The following CACNA1B variants were observed in gnomAD, a reference collection of about 807,000 sequenced individuals.
CACNA1B encodes the protein voltage-dependent N-type calcium channel subunit alpha-1B.
Under a neutral mutation model 247.2 loss-of-function variants are expected in CACNA1B, and 70 were observed. The ratio of observed to expected loss-of-function variants is 0.28; its 90% CI spans 0.23 to 0.35. The LOEUF (loss-of-function observed/expected upper bound fraction) is 0.35, where lower values mean the gene tolerates loss of function less well. Ranked by LOEUF, CACNA1B falls within the 10% of genes least tolerant of loss-of-function variation. CACNA1B has a pLI of 1.00. For synonymous variants in CACNA1B, 1,231 were observed against 1,294.4 expected, an observed-to-expected ratio of 0.95 and a Z score of 1.05; for missense variants, 2,367 against 3,197.4, an observed-to-expected ratio of 0.74 and a Z score of 6.26.
chr9:137,980,028 T>A (rs976874240), intron 12 of CACNA1B, among the ~76,000 whole-genome samples: 2 of 152,240 alleles, frequency 1.3e-5, no homozygotes, highest in Non-Finnish European at 2.9e-5. Context: ...GGTTCTGCCC[T>A]CTCACTCCCT....
chr9:137,990,780 C>T lies in CACNA1B; in HGVS notation c.1974+3926C>T, dbSNP rs1280624481. On this transcript the variant is annotated intron_variant, in intron 15 of 46. Coordinates refer to ENST00000371372, the MANE Select transcript of CACNA1B (RefSeq NM_000718.4). The surrounding 1 kb of genome is among the most constrained non-coding windows in gnomAD (Gnocchi z 4.5). ...TGAAGATGGATCACATCACAGGACT[C>T]TTGACAGACACTCCCCAGTACCAGC... is the stretch of plus-strand genomic sequence containing the variant. Among the ~76,000 whole-genome samples, 1 of 152,218 alleles carries T rather than the reference C, an allele frequency of 6.6e-6. No individual in the cohort carries two copies. The highest frequency in any genetic ancestry group is 1.9e-4 in the East Asian group (1 of 5,190).
intron 16 of CACNA1B, among the ~76,000 whole-genome samples, chr9:138,008,209 G>A (rs1042390874): frequency 2.0e-5 from 3 of 152,190 alleles, no homozygotes; most frequent in African/African-American, 7.2e-5. Flanking sequence ...AGAGAGGGAC[G>A]GAAGCCTCAG....
rs1222439728 is a variant in CACNA1B at position 137,957,782 on chromosome 9, C to T, written c.1333+95C>T. 2 of 830,268 alleles carry T rather than the reference C, an allele frequency of 2.4e-6. No individual in the cohort carries two copies. Among genetic ancestry groups the T allele is most frequent in the East Asian group, 3.0e-5 (1 of 33,876 alleles). The allele number at this position is 830,268 out of a possible 1,614,324, so 51.4% of individuals were successfully genotyped here. A position where few individuals can be genotyped will look rare whatever the true frequency, so the allele number is the denominator to read the frequency against. ...CTGCTACCCAGCCACTGTTGGACGCCCCTTCTTGCCCAAACGCCTGCAGGC... is the reference window on the plus strand; with the variant it reads ...CTGCTACCCAGCCACTGTTGGACGCTCCTTCTTGCCCAAACGCCTGCAGGC... On this transcript the variant is annotated intron_variant, in intron 10 of 46. Transcript: ENST00000371372. The surrounding 1 kb of genome is among the most constrained non-coding windows in gnomAD (Gnocchi z 4.7).
At chr9:138,029,497 CACTT>C (rs1443884079) in intron 20 of CACNA1B, among the ~76,000 whole-genome samples, 3 of 152,150 alleles carry the variant, frequency 2.0e-5, no homozygotes, top group Middle Eastern at 3.4e-3. Context: ...TAGGTTTTCC[CACTT>C]ACTTACATAG....
At chr9:138,036,701 T>C (rs1959051443) in intron 20 of CACNA1B, among the ~76,000 whole-genome samples, 1 of 152,204 alleles carries the variant, frequency 6.6e-6, no homozygotes, top group Admixed American at 6.5e-5. Context: ...ATCAATTTTA[T>C]TGTGGAAAAT....
At chr9:137,895,811 G>A (rs1957165457) in intron 3 of CACNA1B, among the ~76,000 whole-genome samples, 1 of 152,152 alleles carries the variant, frequency 6.6e-6, no homozygotes, top group Non-Finnish European at 1.5e-5. Context: ...CTTAAAACCT[G>A]AATGCCTTTT....
intron 11 of CACNA1B, among the ~76,000 whole-genome samples, chr9:137,972,359 C>T (rs1189885792): frequency 6.6e-6 from 1 of 152,194 alleles, no homozygotes. Context: ...ACTCACCCTG[C>T]TGGGTGTCTA....
chr9:137,880,074 C>T lies in CACNA1B; in HGVS notation c.390+915C>T, dbSNP rs1318219721. On this transcript the variant is annotated intron_variant, in intron 2 of 46. Coordinates refer to ENST00000371372, the MANE Select transcript of CACNA1B (RefSeq NM_000718.4). The surrounding 1 kb of genome is among the most constrained non-coding windows in gnomAD (Gnocchi z 4.8). The stretch of plus-strand genomic sequence containing the variant: ...CTGCTCCCTCTTCCCTTAAGCCTGG[C>T]TTCCGCCCCCACTAGCATCCTGAGA... Among the ~76,000 whole-genome samples the T allele has an allele frequency of 6.6e-6, 1 of 152,214 alleles. No homozygotes were observed. Among genetic ancestry groups the T allele is most frequent in the Admixed American group, 6.5e-5 (1 of 15,288 alleles).
intron 23 of CACNA1B, among the ~76,000 whole-genome samples, chr9:138,048,523 C>T (rs887849884): frequency 9.9e-5 from 15 of 152,184 alleles, no homozygotes; most frequent in African/African-American, 3.4e-4. Flanking sequence ...TGAGGCCCTT[C>T]GGGGTGTGAC....
chr9:137,936,108 C>G (rs1013650378), intron 6 of CACNA1B, among the ~76,000 whole-genome samples: 1 of 152,196 alleles, frequency 6.6e-6, no homozygotes, highest in Non-Finnish European at 1.5e-5. Context: ...CCGCCCGCCT[C>G]GGCCTCCCAA....
intron 20 of CACNA1B, among the ~76,000 whole-genome samples, chr9:138,027,835 A>T (rs1716490804): frequency 6.6e-6 from 1 of 152,214 alleles, no homozygotes; most frequent in South Asian, 2.1e-4. Flanking sequence ...ATTCTCTTTA[A>T]CATTTTTTGT....
Position 138,118,012 on chromosome 9 carries a change from C to G in CACNA1B, c.5844C>G (p.Pro1948=), listed in dbSNP as rs201078501. The G allele has an allele frequency of 3.7e-6, 6 of 1,601,274 alleles. No homozygotes were observed. Among genetic ancestry groups the G allele is most frequent in the Non-Finnish European group, 4.3e-6 (5 of 1,173,876 alleles). ...GCACTCAAAGGACCCAGGATGCACC[C>G]CATGAGGCCAGGCCACCCCTGGAGC... The part of the protein sequence containing the change: ...SWGTQRTQDA[P]HEARPPLERG... Residue 1948 remains proline, a synonymous_variant, in exon 43 of 47, where the codon CCC becomes CCG. Coordinates refer to ENST00000371372, the MANE Select transcript of CACNA1B (RefSeq NM_000718.4).
rs1958673897 is a variant in CACNA1B at position 138,007,898 on chromosome 9, T to A, written c.2092+1014T>A. Among the ~76,000 whole-genome samples, 1 of 152,212 alleles carries A rather than the reference T, an allele frequency of 6.6e-6. No homozygotes were observed. The highest frequency in any genetic ancestry group is 1.5e-5 in the Non-Finnish European group (1 of 68,036). On this transcript the variant is annotated intron_variant, in intron 16 of 46. Transcript: ENST00000371372. This position sits in a 1 kb window ranked among gnomAD's most constrained non-coding sequence, Gnocchi z 4.1. The stretch of plus-strand genomic sequence containing the variant: ...GCCTCACTGGTGCCGGTGCCCTCAG[T>A]GCCCTTGCAGACTTCACCTTCTTTC...
chr9:137,966,966 C>CT (rs1479485068), intron 10 of CACNA1B, among the ~76,000 whole-genome samples: 298 of 126,182 alleles, frequency 2.4e-3, no homozygotes, highest in African/African-American at 4.8e-3. Context: ...GGTGGTTTTG[C>CT]TTTTTTTTTT....
intron 10 of CACNA1B, among the ~76,000 whole-genome samples, chr9:137,969,242 G>A (rs1412217804): frequency 2.6e-5 from 4 of 152,234 alleles, no homozygotes; most frequent in African/African-American, 4.8e-5. Flanking sequence ...TGGCTCTGGC[G>A]CCTCTGGCTT....
chr9:137,934,929 C>A (rs1303974414), intron 6 of CACNA1B, among the ~76,000 whole-genome samples: 1 of 152,178 alleles, frequency 6.6e-6, no homozygotes, highest in Non-Finnish European at 1.5e-5. Context: ...TTCCTTAACA[C>A]CCCGAAGAAA....
chr9:137,996,185 A>G (rs1001699853), intron 15 of CACNA1B, among the ~76,000 whole-genome samples: 1 of 152,248 alleles, frequency 6.6e-6, no homozygotes, highest in East Asian at 1.9e-4. Flanking sequence ...AGAAGTCATT[A>G]TATGAAAAAG....
intron 10 of CACNA1B, among the ~76,000 whole-genome samples, chr9:137,960,565 C>T (rs1465518161): frequency 1.3e-5 from 2 of 149,954 alleles, no homozygotes; most frequent in African/African-American, 4.9e-5. Flanking sequence ...GAGGTGAGGT[C>T]GGCCTGAGGG....
intron 10 of CACNA1B, among the ~76,000 whole-genome samples, chr9:137,962,961 G>GC (rs1958036498): frequency 6.6e-6 from 1 of 152,126 alleles, no homozygotes; most frequent in Non-Finnish European, 1.5e-5. Flanking sequence ...TTGATGATCT[G>GC]CCTAATATTG....
Sources: gnomAD v4.1 joint callset for allele counts (sites outside exome capture counted in the v4.1 genomes callset) on GRCh38, gnomAD v4.1.1 for gene constraint, Gnocchi (gnomAD v3.1) non-coding constraint, MANE v1.5 for transcripts, NCBI Gene and HGNC (gene_info 2026-07-23, HGNC 2026-07-21) for gene names.